Variants in TNIP1 observed in about 807,000 individuals in gnomAD.
The protein encoded by TNIP1 is TNFAIP3 interacting protein 1.
In TNIP1, 22 loss-of-function variants were observed where a neutral mutation model predicts 86.6. That is an observed-to-expected ratio of 0.25 (90% CI 0.18 to 0.36). The LOEUF is 0.36. TNIP1 is among the 10% of genes least tolerant of loss of function. TNIP1 has a pLI of 1.00. For synonymous variants in TNIP1, 294 were observed against 313.0 expected (o/e 0.94, Z 0.64); for missense variants, 709 against 820.6 (o/e 0.86, Z 1.66).
chr5:151,035,564 G>C lies in TNIP1; in HGVS notation c.1521+18C>G. 1 of 1,614,138 alleles carries C rather than the reference G, an allele frequency of 6.2e-7. No homozygotes were observed. Among genetic ancestry groups the C allele is most frequent in the East Asian group, 2.2e-5 (1 of 44,872 alleles). ...CGAGGACAGGCCAGTTGCCCTTCCT[G>C]GGTCCAGTCACTCTTACCTGGGCAT... On this transcript the variant is annotated intron_variant, in intron 14 of 17. Transcript: ENST00000521591.
At chr5:151,046,835 C>T (rs1759240671) in intron 8 of TNIP1, among the ~76,000 whole-genome samples, 1 of 152,158 alleles carries the variant, frequency 6.6e-6, no homozygotes, top group South Asian at 2.1e-4. Flanking sequence ...TGAGTTCATA[C>T]TGATAGAACA....
At chr5:151,064,255 G>T (rs1761963083) in intron 2 of TNIP1, among the ~76,000 whole-genome samples, 1 of 152,240 alleles carries the variant, frequency 6.6e-6, no homozygotes, top group African/African-American at 2.4e-5. Flanking sequence ...GCAAGGATCT[G>T]CCAAGCAAGG....
intron 17 of TNIP1, among the ~76,000 whole-genome samples, chr5:151,031,125 C>A (rs1024353869): frequency 2.0e-5 from 3 of 152,180 alleles, no homozygotes; most frequent in African/African-American, 7.2e-5. Flanking sequence ...CCAAGGGGCT[C>A]CACTGAACTT....
chr5:151,041,257 G>A (rs1019438818), intron 11 of TNIP1, among the ~76,000 whole-genome samples: 1 of 152,176 alleles, frequency 6.6e-6, no homozygotes, highest in Non-Finnish European at 1.5e-5. Context: ...TTTTATTAGA[G>A]ACGGGGTTTC....
At chr5:151,059,779 CAG>C (rs55637016) in intron 5 of TNIP1, among the ~76,000 whole-genome samples, 1,705 of 67,172 alleles carry the variant, frequency 0.025, 8 homozygotes, top group South Asian at 0.044. Context: ...GTACGAGAGA[CAG>C]AGAGAGAGAG....
chr5:151,046,258 A>T, intron 8 of TNIP1: 3 of 323,850 alleles, frequency 9.3e-6, no homozygotes, highest in South Asian at 4.3e-5. Flanking sequence ...CACTCTCCTC[A>T]CTCCCTACAC....
At chr5:151,087,267 C>T (rs934716650), upstream of TNIP1, 3 of 152,490 alleles carry the variant, frequency 2.0e-5, no homozygotes, top group African/African-American at 7.2e-5. Flanking sequence ...CAGCTGAGGC[C>T]CCATCCTGCC....
chr5:151,038,302 C>T (rs536378946), intron 12 of TNIP1, among the ~76,000 whole-genome samples: 8 of 152,300 alleles, frequency 5.3e-5, no homozygotes, highest in Admixed American at 3.3e-4. Context: ...TAGCACGAAA[C>T]GAAAAGCTGA....
intron 17 of TNIP1, among the ~76,000 whole-genome samples, chr5:151,031,182 C>T (rs1268101261): frequency 6.6e-6 from 1 of 152,190 alleles, no homozygotes; most frequent in Non-Finnish European, 1.5e-5. Flanking sequence ...CAGCCCAATC[C>T]CTTCTTCCAA....
chr5:151,082,238 G>T (rs575749694), upstream of TNIP1, among the ~76,000 whole-genome samples: 17 of 152,260 alleles, frequency 1.1e-4, no homozygotes, highest in South Asian at 1.5e-3. Flanking sequence ...ACCTCCTAGG[G>T]TTCCTTCAGT....
chr5:151,050,157 T>C (rs1031456247), intron 7 of TNIP1, among the ~76,000 whole-genome samples: 10 of 152,194 alleles, frequency 6.6e-5, no homozygotes, highest in African/African-American at 2.4e-4. Flanking sequence ...ATGGCAGGGT[T>C]TCCCCAGCTG....
chr5:151,045,042 G>A (rs1758957225), intron 9 of TNIP1, among the ~76,000 whole-genome samples: 1 of 152,180 alleles, frequency 6.6e-6, no homozygotes, highest in East Asian at 1.9e-4. Flanking sequence ...GAAAATTCTT[G>A]AAATGGGAGT....
chr5:151,035,480 A>G (rs970023053), intron 14 of TNIP1, 102 bp downstream of exon 14: 1 of 1,533,660 alleles, frequency 6.5e-7, no homozygotes. Flanking sequence ...GGAGAGAAGC[A>G]GTGAGGGTCC....
At chr5:151,080,115 A>C (rs1309478537) in intron 1 of TNIP1, 4 of 152,250 alleles carry the variant, frequency 2.6e-5, no homozygotes, top group African/African-American at 9.7e-5. Flanking sequence ...CGCACAATGA[A>C]TGTACAATGC....
intron 6 of TNIP1, among the ~76,000 whole-genome samples, chr5:151,055,542 C>G (rs1013483768): frequency 2.6e-5 from 4 of 152,220 alleles, no homozygotes; most frequent in African/African-American, 7.2e-5. Context: ...GCCTGGCTCT[C>G]CAGGCCTCTG....
intron 9 of TNIP1, among the ~76,000 whole-genome samples, chr5:151,043,424 G>C (rs1379147604): frequency 6.6e-6 from 1 of 152,156 alleles, no homozygotes; most frequent in Non-Finnish European, 1.5e-5. Context: ...TCTAAGCACA[G>C]AAGATAGGTT....
chr5:151,049,683 GA>G lies in TNIP1; in HGVS notation c.846+140del, dbSNP rs57701664. The stretch of plus-strand genomic sequence containing the variant: ...AAGCATGGAGGTCAGGCCAAGTAAA[GA>G]AAAAAACACGTAACAGCTAGAACCT... On this transcript the variant is annotated intron_variant, in intron 8 of 17. Coordinates refer to ENST00000521591, the MANE Select transcript of TNIP1 (RefSeq NM_006058.5). 2.9e-3 allele frequency: 3,091 copies of G among 1,075,500 alleles called. 63 individuals are homozygous for G. The African/African-American group carries it at 0.042, about 15-fold the overall frequency. The allele number at this position is 1,075,500 out of a possible 1,614,324, so 66.6% of individuals were successfully genotyped here.
intron 13 of TNIP1, 42 bp downstream of exon 13, chr5:151,036,748 C>T: frequency 2.5e-6 from 4 of 1,613,260 alleles, no homozygotes; most frequent in Non-Finnish European, 3.4e-6. Context: ...GCTCCAGCTC[C>T]CACAGAGCAC....
rs543451422 is a variant in TNIP1, at chr5:151,042,187, C to T, written c.1134+353G>A. On this transcript the variant is annotated intron_variant, in intron 11 of 17. Transcript: ENST00000521591. The stretch of plus-strand genomic sequence containing the variant: ...AACTCCTGACCTCAGGTAATCCACC[C>T]GTCTCGGCCTCCCCAGTTGCTAGGA... Among the ~76,000 whole-genome samples the T allele has an allele frequency of 3.1e-4, 47 of 152,182 alleles. No homozygotes were observed. The South Asian group carries it at 5.4e-3, about 18-fold the overall frequency.
Sources: gnomAD v4.1 joint callset for allele counts (sites outside exome capture counted in the v4.1 genomes callset) on GRCh38, gnomAD v4.1.1 for gene constraint, MANE v1.5 for transcripts, NCBI Gene and HGNC (gene_info 2026-07-23, HGNC 2026-07-21) for gene names.